Variants in ZBTB20 observed in about 807,000 individuals in gnomAD.
ZBTB20 encodes zinc finger and BTB domain-containing protein 20.
ZBTB20 carries 9 observed loss-of-function variants against 56.9 expected under a neutral mutation model. That is an observed-to-expected ratio of 0.16 (90% CI 0.10 to 0.28). The LOEUF (loss-of-function observed/expected upper bound fraction) is 0.28, where lower values mean the gene tolerates loss of function less well. Among genes scored for constraint, ZBTB20 ranks in the 10% least tolerant of loss-of-function variants. The probability of loss-of-function intolerance (pLI) is 1.00; values close to 1 mark genes in which losing one functional copy is unlikely to be tolerated. For synonymous variants in ZBTB20, 417 were observed against 420.7 expected (o/e 0.99, Z 0.11); for missense variants, 655 against 1,003.0 (o/e 0.65, Z 4.69).
chr3:114,756,181 T>C (rs1377995322), intron 5 of ZBTB20, among the ~76,000 whole-genome samples: 2 of 152,170 alleles, frequency 1.3e-5, no homozygotes, highest in Non-Finnish European at 2.9e-5. Context: ...CAAAAACATA[T>C]GTATGTATGT....
At chr3:114,912,305 T>C (rs1576305614) in intron 3 of ZBTB20, among the ~76,000 whole-genome samples, 1 of 150,546 alleles carries the variant, frequency 6.6e-6, no homozygotes, top group Admixed American at 6.7e-5. Context: ...TACTAGATGA[T>C]AAAATAAAAT....
chr3:115,083,635 T>C (rs576667764), intron 1 of ZBTB20, among the ~76,000 whole-genome samples: 18 of 152,168 alleles, frequency 1.2e-4, no homozygotes, highest in South Asian at 2.1e-4. Context: ...CATGTTAAGT[T>C]GATTTAAGCA....
At chr3:114,739,520 T>C (rs937376560) in intron 5 of ZBTB20, among the ~76,000 whole-genome samples, 1 of 152,172 alleles carries the variant, frequency 6.6e-6, no homozygotes, top group African/African-American at 2.4e-5. Flanking sequence ...GTGCAAAACT[T>C]TGAGGCTGTG....
intron 5 of ZBTB20, among the ~76,000 whole-genome samples, chr3:114,748,356 C>CTCTCTCTCTCTCTCTCTT (rs2067278618): frequency 8.2e-6 from 1 of 122,402 alleles, no homozygotes; most frequent in Admixed American, 8.5e-5. Context: ...TTTCTTTTCT[C>CTCTCTCTCTCTCTCTCTT]TCTCTCTCTC....
intron 7 of ZBTB20, among the ~76,000 whole-genome samples, chr3:114,403,563 G>A (rs926919920): frequency 1.2e-4 from 18 of 151,646 alleles, no homozygotes; most frequent in African/African-American, 4.4e-4. Context: ...CACGTTTATA[G>A]GTATTATAGG....
At chr3:114,850,028 TAGCTGG>T (rs1250160785) in intron 4 of ZBTB20, among the ~76,000 whole-genome samples, 1 of 151,138 alleles carries the variant, frequency 6.6e-6, no homozygotes, top group East Asian at 2.0e-4. Flanking sequence ...GCCTCCTGAG[TAGCTGG>T]GACTACAGGT....
At chr3:115,093,688 C>A (rs1211890885) in intron 1 of ZBTB20, among the ~76,000 whole-genome samples, 1 of 152,110 alleles carries the variant, frequency 6.6e-6, no homozygotes, top group Admixed American at 6.6e-5. Context: ...CTTATCAAAA[C>A]AAATGAAATC....
At chr3:114,528,002 T>TC (rs1261431690) in intron 6 of ZBTB20, among the ~76,000 whole-genome samples, 1 of 151,944 alleles carries the variant, frequency 6.6e-6, no homozygotes, top group East Asian at 1.9e-4. Flanking sequence ...ATTTTTTTTT[T>TC]TTTTTGGTTA....
intron 7 of ZBTB20, among the ~76,000 whole-genome samples, chr3:114,434,233 T>C (rs953181880): frequency 2.6e-5 from 4 of 152,128 alleles, no homozygotes; most frequent in African/African-American, 9.6e-5. Flanking sequence ...AGGGAAATAC[T>C]TGGCCTGTGC....
chr3:114,427,242 A>G (rs2089753026), intron 7 of ZBTB20, among the ~76,000 whole-genome samples: 1 of 152,246 alleles, frequency 6.6e-6, no homozygotes, highest in Non-Finnish European at 1.5e-5. Context: ...TCATAAAACT[A>G]TATTTTTAAA....
chr3:114,878,296 G>C (rs1373320545), intron 4 of ZBTB20, among the ~76,000 whole-genome samples: 2 of 152,082 alleles, frequency 1.3e-5, no homozygotes, highest in Admixed American at 6.6e-5. Context: ...AGACAGGGTA[G>C]AATATGGCAT....
intron 6 of ZBTB20, among the ~76,000 whole-genome samples, chr3:114,533,060 C>G (rs2048047479): frequency 1.3e-5 from 2 of 152,084 alleles, no homozygotes; most frequent in African/African-American, 4.8e-5. Context: ...GGCTGAAATT[C>G]CAAAAACCCG....
At chr3:114,865,667 C>T (rs1412626087) in intron 4 of ZBTB20, among the ~76,000 whole-genome samples, 1 of 152,074 alleles carries the variant, frequency 6.6e-6, no homozygotes, top group Admixed American at 6.5e-5. Flanking sequence ...TGTAACATTA[C>T]GAATATGTTA....
intron 6 of ZBTB20, among the ~76,000 whole-genome samples, chr3:114,538,806 A>G (rs2048773161): frequency 6.6e-6 from 1 of 152,210 alleles, no homozygotes. Context: ...ATGCAAAAAA[A>G]GCACAGTTAT....
At chr3:114,642,931 CTA>C (rs1018604323) in intron 6 of ZBTB20, among the ~76,000 whole-genome samples, 7 of 152,012 alleles carry the variant, frequency 4.6e-5, no homozygotes, top group Non-Finnish European at 8.8e-5. Flanking sequence ...CAGTATTTCT[CTA>C]TGTGTCTTAG....
At chr3:114,984,739 A>G (rs2108108109) in intron 2 of ZBTB20, among the ~76,000 whole-genome samples, 1 of 152,194 alleles carries the variant, frequency 6.6e-6, no homozygotes, top group East Asian at 1.9e-4. Context: ...TTTAGAAAAG[A>G]CTAATCAATT....
At chr3:114,474,652 G>C (rs1029676027) in intron 7 of ZBTB20, among the ~76,000 whole-genome samples, 1 of 152,108 alleles carries the variant, frequency 6.6e-6, no homozygotes, top group Non-Finnish European at 1.5e-5. Context: ...TTAAACGTGT[G>C]CTTTCCCCTC....
intron 6 of ZBTB20, among the ~76,000 whole-genome samples, chr3:114,578,391 A>G (rs537198940): frequency 8.5e-5 from 13 of 152,162 alleles, no homozygotes; most frequent in Admixed American, 2.6e-4. Context: ...GGAAGTAATG[A>G]CAAAGGAACA....
intron 2 of ZBTB20, among the ~76,000 whole-genome samples, chr3:115,034,309 A>G (rs1273632077): frequency 6.6e-6 from 1 of 151,768 alleles, no homozygotes. Context: ...CACATATCAT[A>G]TGATCTCATA....
Sources: allele counts gnomAD v4.1 joint callset (sites outside exome capture counted in the v4.1 genomes callset), GRCh38; gene constraint gnomAD v4.1.1; transcripts MANE v1.5; gene names NCBI Gene and HGNC (gene_info 2026-07-23, HGNC 2026-07-21).